FHIP1A: variants seen among roughly 807,000 people sequenced by gnomAD.
FHIP1A encodes FHF complex subunit HOOK interacting protein 1A.
FHIP1A carries 61 observed loss-of-function variants against 88.6 expected under a neutral mutation model. That is an observed-to-expected ratio of 0.69 (90% confidence interval 0.56 to 0.85). The LOEUF (loss-of-function observed/expected upper bound fraction) is 0.85, where lower values mean the gene tolerates loss of function less well. FHIP1A is among the 40% of genes least tolerant of loss of function. The pLI is 0.00. For missense variants in FHIP1A, 1,154 were observed against 1,273.5 expected, an observed-to-expected ratio of 0.91 and a Z score of 1.43; for synonymous variants, 478 against 496.0, an observed-to-expected ratio of 0.96 and a Z score of 0.48.
At chr4:151,557,423 T>C (rs985142664) in intron 3 of FHIP1A, among the ~76,000 whole-genome samples, 2 of 152,228 alleles carry the variant, frequency 1.3e-5, no homozygotes, top group African/African-American at 4.8e-5. Flanking sequence ...GCTTTTGCTT[T>C]CTCTTTTTTC....
chr4:151,623,215 T>A (rs902267338), intron 7 of FHIP1A, among the ~76,000 whole-genome samples: 1 of 152,220 alleles, frequency 6.6e-6, no homozygotes, highest in Non-Finnish European at 1.5e-5. Flanking sequence ...GAATCAGGTT[T>A]AGATTGGCTA....
intron 3 of FHIP1A, among the ~76,000 whole-genome samples, chr4:151,537,077 C>A (rs1476180612): frequency 6.6e-6 from 1 of 151,900 alleles, no homozygotes; most frequent in Non-Finnish European, 1.5e-5. Flanking sequence ...AGAGTTTCAC[C>A]ATTTTGCCCA....
intron 3 of FHIP1A, among the ~76,000 whole-genome samples, chr4:151,527,741 C>T (rs1731732580): frequency 1.3e-5 from 2 of 152,166 alleles, no homozygotes; most frequent in South Asian, 4.1e-4. Flanking sequence ...TTCTGTGAAT[C>T]ATAAACCATA....
chr4:151,451,625 A>C (rs547206407), intron 1 of FHIP1A, among the ~76,000 whole-genome samples: 8 of 152,146 alleles, frequency 5.3e-5, no homozygotes, highest in African/African-American at 1.9e-4. Context: ...TAAGAGGTCA[A>C]TTTCTTCCTA....
chr4:151,659,614 G>C (rs1260962981), intron 13 of FHIP1A, among the ~76,000 whole-genome samples: 1 of 152,200 alleles, frequency 6.6e-6, no homozygotes. Flanking sequence ...CAACATTTCA[G>C]AAGCCATTCC....
chr4:151,603,094 C>T (rs1049904943), intron 7 of FHIP1A, among the ~76,000 whole-genome samples: 6 of 152,070 alleles, frequency 3.9e-5, no homozygotes, highest in Non-Finnish European at 7.4e-5. Flanking sequence ...GGGTGGATCA[C>T]GAGGTCGGGA....
chr4:151,479,854 G>A (rs1467420378), intron 2 of FHIP1A, among the ~76,000 whole-genome samples: 2 of 152,034 alleles, frequency 1.3e-5, no homozygotes, highest in African/African-American at 4.8e-5. Context: ...CTGAATTTAT[G>A]CCATCTGGAA....
At chr4:151,615,005 A>G (rs574461407) in intron 7 of FHIP1A, among the ~76,000 whole-genome samples, 1 of 152,238 alleles carries the variant, frequency 6.6e-6, no homozygotes, top group African/African-American at 2.4e-5. Context: ...TCTGCAGTAA[A>G]GTCCTGATCT....
chr4:151,424,467 G>A (rs1733290814), intron 1 of FHIP1A, among the ~76,000 whole-genome samples: 1 of 152,140 alleles, frequency 6.6e-6, no homozygotes, highest in Admixed American at 6.6e-5. Flanking sequence ...CAAAGGCATG[G>A]AATCTAGAAT....
intron 6 of FHIP1A, 31 bp from the exon 7 acceptor site, chr4:151,588,809 C>T: frequency 2.2e-6 from 3 of 1,353,302 alleles, no homozygotes; most frequent in Non-Finnish European, 3.1e-6. Flanking sequence ...GAACTCTTTG[C>T]CTTTTTCATG....
intron 3 of FHIP1A, among the ~76,000 whole-genome samples, chr4:151,541,197 A>G (rs1732270976): frequency 2.0e-5 from 3 of 152,220 alleles, no homozygotes; most frequent in African/African-American, 7.2e-5. Flanking sequence ...TGTGATGGTA[A>G]GTACCCAGGA....
intron 8 of FHIP1A, among the ~76,000 whole-genome samples, chr4:151,635,292 A>C (rs755060441): frequency 5.3e-5 from 8 of 151,912 alleles, no homozygotes; most frequent in Non-Finnish European, 1.2e-4. Context: ...AAAGTGGTGC[A>C]GCTATTATGG....
intron 1 of FHIP1A, among the ~76,000 whole-genome samples, chr4:151,451,823 C>CTT (rs904784467): frequency 1.5e-5 from 2 of 130,334 alleles, no homozygotes; most frequent in African/African-American, 5.7e-5. Flanking sequence ...TTCTTTCTTT[C>CTT]TTTTTTTTTT....
intron 3 of FHIP1A, among the ~76,000 whole-genome samples, chr4:151,500,492 A>C (rs1166512663): frequency 6.6e-6 from 1 of 150,382 alleles, no homozygotes; most frequent in Non-Finnish European, 1.5e-5. Context: ...TTGAATCCTG[A>C]CCCCTGCCCC....
intron 3 of FHIP1A, among the ~76,000 whole-genome samples, chr4:151,545,213 A>G (rs1488509128): frequency 3.3e-5 from 5 of 152,200 alleles, no homozygotes; most frequent in Non-Finnish European, 7.4e-5. Context: ...AGTAAATGCA[A>G]TGACTTTTTG....
chr4:151,451,656 C>T (rs975701942), intron 1 of FHIP1A, among the ~76,000 whole-genome samples: 4 of 152,060 alleles, frequency 2.6e-5, no homozygotes, highest in African/African-American at 7.2e-5. Context: ...GACCAACCCA[C>T]GGTTGAATGA....
At chr4:151,566,449 GAT>G (rs747569212) in intron 4 of FHIP1A, 85 bp downstream of exon 4, 14 of 722,228 alleles carry the variant, frequency 1.9e-5, no homozygotes, top group Non-Finnish European at 2.9e-5. Context: ...CTACCTCTGT[GAT>G]AGGTAACTAG....
intron 8 of FHIP1A, among the ~76,000 whole-genome samples, chr4:151,633,251 A>G (rs1188893208): frequency 1.3e-5 from 2 of 151,976 alleles, no homozygotes; most frequent in Admixed American, 6.6e-5. Context: ...TCAAGGCTGA[A>G]TCATGAAGAA....
intron 3 of FHIP1A, among the ~76,000 whole-genome samples, chr4:151,562,853 A>G (rs1036986862): frequency 5.3e-5 from 8 of 152,184 alleles, no homozygotes; most frequent in African/African-American, 1.7e-4. Flanking sequence ...AAGTTTTTAC[A>G]CTGGAAAAAG....
Sources: allele counts gnomAD v4.1 joint callset (sites outside exome capture counted in the v4.1 genomes callset), GRCh38; gene constraint gnomAD v4.1.1; transcripts MANE v1.5; gene names NCBI Gene and HGNC (gene_info 2026-07-23, HGNC 2026-07-21).